BCAR3: variants seen among roughly 807,000 people sequenced by gnomAD.
BCAR3 encodes the protein breast cancer anti-estrogen resistance protein 3.
A neutral mutation model predicts 80.1 loss-of-function variants in BCAR3; 37 were observed. The ratio of observed to expected loss-of-function variants is 0.46; its 90% confidence interval spans 0.36 to 0.61. BCAR3 has a LOEUF of 0.61. Among genes scored for constraint, BCAR3 ranks in the 20% least tolerant of loss-of-function variants. BCAR3 has a pLI of 0.00. For synonymous variants in BCAR3, 389 were observed against 418.9 expected (o/e 0.93, Z 0.87); for missense variants, 978 against 1,068.2 (o/e 0.92, Z 1.18).
At chr1:93,835,951 C>T (rs1289553240) in intron 2 of BCAR3, among the ~76,000 whole-genome samples, 11 of 152,176 alleles carry the variant, frequency 7.2e-5, no homozygotes, top group African/African-American at 1.7e-4. Context: ...GGTAACGGAC[C>T]GGCCTTTATT....
At chr1:93,634,948 C>G (rs886271234) in intron 3 of BCAR3, among the ~76,000 whole-genome samples, 2 of 152,132 alleles carry the variant, frequency 1.3e-5, no homozygotes, top group African/African-American at 4.8e-5. Flanking sequence ...ACAGTCCACT[C>G]CTAGGCTGGA....
chr1:93,739,077 C>T (rs188742377), intron 2 of BCAR3, among the ~76,000 whole-genome samples: 5 of 152,308 alleles, frequency 3.3e-5, no homozygotes, highest in African/African-American at 4.8e-5. Context: ...GAACGTTTTT[C>T]GTCCTCTGTG....
chr1:93,601,716 C>A (rs1019694199), intron 3 of BCAR3, among the ~76,000 whole-genome samples: 2 of 152,072 alleles, frequency 1.3e-5, no homozygotes, highest in African/African-American at 4.8e-5. Flanking sequence ...TCATTTATTC[C>A]ATGATCAAGC....
upstream of BCAR3, among the ~76,000 whole-genome samples, chr1:93,683,733 C>T (rs1209687205): frequency 6.6e-6 from 1 of 152,166 alleles, no homozygotes; most frequent in Non-Finnish European, 1.5e-5. Context: ...ATAGTCAAAG[C>T]ATATCTGTGA....
chr1:93,717,687 C>A (rs569434239), intron 2 of BCAR3, among the ~76,000 whole-genome samples: 3 of 148,850 alleles, frequency 2.0e-5, no homozygotes, highest in African/African-American at 7.5e-5. Flanking sequence ...GAGATCGTGC[C>A]GCTGTACTCC....
Position 93,582,624 on chromosome 1 carries a change from TGTG to T in BCAR3, c.1360_1362del (p.His454del). On this transcript the variant is annotated inframe_deletion, in exon 7 of 12. Transcript: ENST00000260502. ...TTCTGCTTGGCTGTGAGCAGTTCTG[TGTG>T]GCTTCCCTGGGCACATGAGGGTAGC... The T allele has an allele frequency of 6.2e-7, 1 of 1,613,926 alleles. No homozygotes were observed. Among genetic ancestry groups the T allele is most frequent in the Admixed American group, 1.7e-5 (1 of 60,000 alleles).
chr1:93,835,304 T>C (rs1448793133), intron 2 of BCAR3, among the ~76,000 whole-genome samples: 4 of 152,192 alleles, frequency 2.6e-5, no homozygotes, highest in Non-Finnish European at 5.9e-5. Context: ...AGTCATTCAC[T>C]GCAAGGGCCA....
chr1:93,768,269 T>TTGTGTGTGTG (rs112490025), intron 2 of BCAR3, among the ~76,000 whole-genome samples: 13 of 126,736 alleles, frequency 1.0e-4, no homozygotes, highest in African/African-American at 4.1e-4. Flanking sequence ...GTGTGTGTGT[T>TTGTGTGTGTG]TGTGTGTGTG....
chr1:93,707,243 A>G (rs1649857949), intron 2 of BCAR3, among the ~76,000 whole-genome samples: 1 of 152,200 alleles, frequency 6.6e-6, no homozygotes, highest in African/African-American at 2.4e-5. Context: ...CAGAAAATAA[A>G]TCTATATGCA....
intron 2 of BCAR3, chr1:93,720,182 C>T (rs1365301579): frequency 6.6e-6 from 1 of 152,222 alleles, no homozygotes; most frequent in Non-Finnish European, 1.5e-5. Context: ...ACCTGTTTCT[C>T]CCCTGAAGTT....
At chr1:93,731,755 G>A (rs4847253) in intron 2 of BCAR3, among the ~76,000 whole-genome samples, 47,184 of 152,170 alleles carry the variant, frequency 0.31, 7,797 homozygotes, top group East Asian at 0.52. Flanking sequence ...ATGGCTGAGA[G>A]ATTACAAAAT....
intron 2 of BCAR3, among the ~76,000 whole-genome samples, chr1:93,671,289 G>A (rs979174803): frequency 2.0e-5 from 3 of 152,096 alleles, no homozygotes; most frequent in African/African-American, 7.2e-5. Context: ...CACCAAGCCC[G>A]GCCTATAAAG....
intron 2 of BCAR3, among the ~76,000 whole-genome samples, chr1:93,666,083 T>A (rs1310409630): frequency 6.6e-6 from 1 of 152,192 alleles, no homozygotes; most frequent in Non-Finnish European, 1.5e-5. Flanking sequence ...CTCTTCTCCA[T>A]CAATCCTCCT....
intron 2 of BCAR3, among the ~76,000 whole-genome samples, chr1:93,737,874 C>A (rs1651031371): frequency 6.6e-6 from 1 of 152,112 alleles, no homozygotes; most frequent in South Asian, 2.1e-4. Context: ...GCTCTGTCAC[C>A]CAGGCTAGAG....
At chr1:93,773,090 T>A (rs1652417347) in intron 2 of BCAR3, among the ~76,000 whole-genome samples, 1 of 152,156 alleles carries the variant, frequency 6.6e-6, no homozygotes, top group Admixed American at 6.5e-5. Flanking sequence ...GACTAGAAGA[T>A]TGATAGGTTA....
At chr1:93,748,152 T>C (rs1206458363) in intron 2 of BCAR3, among the ~76,000 whole-genome samples, 3 of 152,212 alleles carry the variant, frequency 2.0e-5, no homozygotes, top group Non-Finnish European at 4.4e-5. Flanking sequence ...CCACTCAATA[T>C]TAGGTACTGA....
chr1:93,844,372 G>A (rs1329863082), intron 2 of BCAR3, among the ~76,000 whole-genome samples: 31 of 152,134 alleles, frequency 2.0e-4, no homozygotes, highest in Middle Eastern at 3.2e-3. Context: ...GCTGTCCAGC[G>A]AACTCAAACT....
intron 8 of BCAR3, among the ~76,000 whole-genome samples, chr1:93,573,542 C>T (rs1054595481): frequency 6.6e-6 from 1 of 151,724 alleles, no homozygotes; most frequent in African/African-American, 2.4e-5. Context: ...CTCTTTTCTC[C>T]ATTTATCTCC....
intron 3 of BCAR3, chr1:93,605,390 T>C (rs1201078028): frequency 6.6e-6 from 1 of 152,260 alleles, no homozygotes; most frequent in African/African-American, 2.4e-5. Flanking sequence ...GAATAATATC[T>C]CTCTTGCTTT....
Sources: gnomAD v4.1 joint callset for allele counts (sites outside exome capture counted in the v4.1 genomes callset) on GRCh38, gnomAD v4.1.1 for gene constraint, MANE v1.5 for transcripts, NCBI Gene and HGNC (gene_info 2026-07-23, HGNC 2026-07-21) for gene names.